KIAA1958: variants seen among roughly 807,000 people sequenced by gnomAD.
The protein encoded by KIAA1958 is uncharacterized protein KIAA1958.
Under a neutral mutation model 47.2 loss-of-function variants are expected in KIAA1958, and 14 were observed. That is an observed-to-expected ratio of 0.30 (90% CI 0.20 to 0.46). KIAA1958 has a LOEUF of 0.46. Ranked by LOEUF, KIAA1958 falls within the 20% of genes least tolerant of loss-of-function variation. The probability of loss-of-function intolerance (pLI) is 1.00; values close to 1 mark genes in which losing one functional copy is unlikely to be tolerated. For synonymous variants in KIAA1958, 354 were observed against 353.3 expected, an observed-to-expected ratio of 1.00 and a Z score of -0.02; for missense variants, 803 against 909.2, an observed-to-expected ratio of 0.88 and a Z score of 1.50.
intron 1 of KIAA1958, among the ~76,000 whole-genome samples, chr9:112,542,858 G>A (rs185704483): frequency 2.0e-4 from 30 of 152,346 alleles, no homozygotes; most frequent in Admixed American, 1.9e-3. Flanking sequence ...GCAAGCCACT[G>A]CATGAGATTT....
chr9:112,570,830 G>GGATGC (rs1038582226), intron 1 of KIAA1958, among the ~76,000 whole-genome samples: 2 of 152,190 alleles, frequency 1.3e-5, no homozygotes, highest in Admixed American at 6.5e-5. Flanking sequence ...GGAAACCCTG[G>GGATGC]GATGCTGGTA....
At chr9:112,557,705 G>T (rs1301493741) in intron 1 of KIAA1958, among the ~76,000 whole-genome samples, 1 of 152,180 alleles carries the variant, frequency 6.6e-6, no homozygotes, top group Non-Finnish European at 1.5e-5. Flanking sequence ...AGAAGTAGCT[G>T]TAGGAATCTG....
intron 1 of KIAA1958, among the ~76,000 whole-genome samples, chr9:112,559,277 G>A (rs1285954350): frequency 6.6e-6 from 1 of 152,236 alleles, no homozygotes; most frequent in African/African-American, 2.4e-5. Context: ...CCACAGGGGT[G>A]AAGGAGAGCC....
At chr9:112,511,797 TAGG>T (rs1564154071) in intron 1 of KIAA1958, among the ~76,000 whole-genome samples, 1 of 152,068 alleles carries the variant, frequency 6.6e-6, no homozygotes, top group Non-Finnish European at 1.5e-5. Flanking sequence ...GATCGAAAAT[TAGG>T]AGGAGATATA....
chr9:112,594,104 G>A (rs59076063), intron 2 of KIAA1958, among the ~76,000 whole-genome samples: 1 of 151,960 alleles, frequency 6.6e-6, no homozygotes, highest in East Asian at 1.9e-4. Flanking sequence ...GCTTCCAACA[G>A]TCCTTCCACC....
At chr9:112,548,687 C>T (rs1043023385) in intron 1 of KIAA1958, among the ~76,000 whole-genome samples, 2 of 152,126 alleles carry the variant, frequency 1.3e-5, no homozygotes, top group African/African-American at 2.4e-5. Context: ...ATAGTATTTG[C>T]TACATAGTAG....
intron 1 of KIAA1958, among the ~76,000 whole-genome samples, chr9:112,489,740 T>C (rs1490961383): frequency 6.6e-6 from 1 of 152,344 alleles, no homozygotes; most frequent in East Asian, 1.9e-4. Context: ...TAGCTGACAT[T>C]TACCACCTTC....
At chr9:112,548,484 C>T (rs1835081889) in intron 1 of KIAA1958, among the ~76,000 whole-genome samples, 1 of 152,160 alleles carries the variant, frequency 6.6e-6, no homozygotes, top group African/African-American at 2.4e-5. Flanking sequence ...TGTCATGTGC[C>T]ATGGTCACTC....
rs189253264 is a variant in KIAA1958, at chr9:112,654,923, C to T, written c.1345-4340C>T. Among the ~76,000 whole-genome samples, 933 of 152,262 alleles carry T rather than the reference C, an allele frequency of 6.1e-3. 2 individuals carry two copies. The highest frequency in any genetic ancestry group is 9.9e-3 in the Non-Finnish European group (674 of 68,024). On this transcript the variant is annotated intron_variant, in intron 3 of 3. Transcript: ENST00000337530. ...GTCTTTTTCCTTTCCCATATACATGCATATGGATGTGTGTGTATATATAAA... is the reference window on the plus strand; with the variant it reads ...GTCTTTTTCCTTTCCCATATACATGTATATGGATGTGTGTGTATATATAAA...
intron 2 of KIAA1958, among the ~76,000 whole-genome samples, chr9:112,632,062 C>T (rs1035690719): frequency 2.0e-5 from 3 of 152,054 alleles, no homozygotes; most frequent in Non-Finnish European, 2.9e-5. Flanking sequence ...ATATACATTT[C>T]CAAAGTCCTA....
intron 1 of KIAA1958, among the ~76,000 whole-genome samples, chr9:112,569,056 A>T (rs981887186): frequency 3.3e-5 from 5 of 151,468 alleles, no homozygotes; most frequent in Non-Finnish European, 7.4e-5. Context: ...CATGATCATT[A>T]ACTGTATTTT....
At chr9:112,594,876 A>AGTG (rs1349271273) in intron 2 of KIAA1958, among the ~76,000 whole-genome samples, 1 of 152,212 alleles carries the variant, frequency 6.6e-6, no homozygotes, top group Non-Finnish European at 1.5e-5. Context: ...GTTTCTCCAC[A>AGTG]TCCCTGCCAA....
intron 1 of KIAA1958, among the ~76,000 whole-genome samples, chr9:112,523,795 A>C (rs1333190723): frequency 6.6e-6 from 1 of 152,202 alleles, no homozygotes; most frequent in Non-Finnish European, 1.5e-5. Context: ...CTGAGGGAAC[A>C]CTTAGGTTTG....
chr9:112,597,425 G>T (rs916614238), intron 2 of KIAA1958, among the ~76,000 whole-genome samples: 3 of 152,188 alleles, frequency 2.0e-5, no homozygotes, highest in African/African-American at 7.2e-5. Flanking sequence ...CGGAAAGCTG[G>T]AATTTTGATC....
intron 1 of KIAA1958, among the ~76,000 whole-genome samples, chr9:112,560,201 TTTTTTTC>T (rs930813721): frequency 1.6e-4 from 20 of 122,088 alleles, no homozygotes; most frequent in East Asian, 8.7e-4. Flanking sequence ...TCTTTTTCTT[TTTTTTTC>T]TTTTTTTGAA....
chr9:112,494,734 C>T, intron 1 of KIAA1958, among the ~76,000 whole-genome samples: 1 of 152,134 alleles, frequency 6.6e-6, no homozygotes, highest in East Asian at 1.9e-4. Context: ...TCCCAAAGTG[C>T]TGGGATTACA....
chr9:112,566,709 A>G (rs1835432292), intron 1 of KIAA1958, among the ~76,000 whole-genome samples: 1 of 152,104 alleles, frequency 6.6e-6, no homozygotes, highest in African/African-American at 2.4e-5. Context: ...TAAAAGTAGT[A>G]TATTACTCCA....
intron 1 of KIAA1958, among the ~76,000 whole-genome samples, chr9:112,557,631 C>T (rs1220271413): frequency 2.6e-5 from 4 of 152,088 alleles, no homozygotes; most frequent in African/African-American, 9.7e-5. Flanking sequence ...AAAGGAATGC[C>T]AGGACCACTG....
intron 2 of KIAA1958, among the ~76,000 whole-genome samples, chr9:112,623,414 A>G (rs1285620385): frequency 1.3e-5 from 2 of 152,220 alleles, no homozygotes; most frequent in African/African-American, 4.8e-5. Context: ...AATTAGATCC[A>G]GATCCCATTA....
Sources: allele counts gnomAD v4.1 joint callset (sites outside exome capture counted in the v4.1 genomes callset), GRCh38; gene constraint gnomAD v4.1.1; transcripts MANE v1.5; gene names NCBI Gene and HGNC (gene_info 2026-07-23, HGNC 2026-07-21).